Variants in MAZ observed in about 807,000 individuals in gnomAD.
MAZ encodes MYC associated zinc finger protein.
In MAZ, 4 loss-of-function variants were observed where a neutral mutation model predicts 32.7. The ratio of observed to expected loss-of-function variants is 0.12; its 90% CI spans 0.06 to 0.28. The LOEUF (loss-of-function observed/expected upper bound fraction) is 0.28. Ranked by LOEUF, MAZ falls within the 10% of genes least tolerant of loss-of-function variation. The probability of loss-of-function intolerance (pLI) is 1.00; values close to 1 mark genes in which losing one functional copy is unlikely to be tolerated. For missense variants in MAZ, 763 were observed against 667.2 expected (o/e 1.14, Z -1.58); for synonymous variants, 510 against 297.6 (o/e 1.71, Z -7.35).
intron 4 of MAZ, 56 bp from the exon 5 acceptor site, chr16:29,810,021 G>A (rs1899825556): frequency 3.2e-6 from 5 of 1,568,114 alleles, no homozygotes; most frequent in Non-Finnish European, 4.3e-6. Flanking sequence ...GTGGGGTGAG[G>A]GCAAGGCTCT....
At chr16:29,807,992 G>C in intron 2 of MAZ, 164 bp downstream of exon 2, 1 of 1,330,818 alleles carries the variant, frequency 7.5e-7, no homozygotes, top group Non-Finnish European at 1.0e-6. Context: ...CAGGGAGCAA[G>C]GGGTGGTCCT....
intron 2 of MAZ, 26 bp from the exon 3 acceptor site, chr16:29,808,198 CCGCCCT>C: frequency 6.3e-7 from 1 of 1,595,914 alleles, no homozygotes; most frequent in Non-Finnish European, 8.6e-7. Context: ...CGCACCACCT[CCGCCCT>C]AACCCCAACC....
chr16:29,807,878 C>T (rs1403236233), intron 2 of MAZ, 50 bp downstream of exon 2: 8 of 1,582,846 alleles, frequency 5.1e-6, no homozygotes, highest in Non-Finnish European at 5.1e-6. Flanking sequence ...GGGAGGGACG[C>T]GACGGAGGTG....
rs755780142 is a variant in MAZ at position 29,807,240 on chromosome 16, C to T, written c.455C>T (p.Ser152Phe). The T allele has an allele frequency of 2.8e-6, 4 of 1,411,268 alleles. No individual in the cohort carries two copies. The Admixed American group carries it at 8.5e-5, about 30-fold the overall frequency. The allele number at this position is 1,411,268 out of a possible 1,614,324, so 87.4% of individuals were successfully genotyped here. A position where few individuals can be genotyped will look rare whatever the true frequency, so the allele number is the denominator to read the frequency against. ...APAAEAAPPASAATIAAAAAT... is the reference protein window; with the variant it reads ...APAAEAAPPAFAATIAAAAAT... ...GCGGCCGAGGCCGCGCCCCCCGCCT[C>T]CGCCGCCACTATCGCCGCGGCGGCG... Residue 152 changes from serine to phenylalanine, a missense_variant, in exon 2 of 5, where the codon TCC becomes TTC. By Grantham distance (155) the Ser-to-Phe change is radical. Transcript: ENST00000322945.
chr16:29,810,803 T>TGGGGTC lies in MAZ; in HGVS notation c.*573_*578dup, dbSNP rs1460924181. The TGGGGTC allele has an allele frequency of 2.9e-6, 1 of 349,578 alleles. No homozygotes were observed. The highest frequency in any genetic ancestry group is 7.9e-5 in the East Asian group (1 of 12,720). 21.7% of individuals were successfully genotyped at this position (349,578 alleles called of 1,614,324 possible). ...ACCTTCATAAGGTGGTATGGGGGGT[T>TGGGGTC]GGGGTCAGGCCCTGAACATCGTCCT... On this transcript the variant is annotated 3_prime_UTR_variant, in exon 5 of 5. Coordinates refer to ENST00000322945, the MANE Select transcript of MAZ (RefSeq NM_002383.4).
At position 29,811,120 on chromosome 16, in the gene MAZ, C is replaced by T. The variant is rs1899945417; in HGVS notation, c.*889C>T. Reference sequence around the variant, plus strand: ...GCATGTACCCCACCCTCCACCCCTTCCTTTTGCGCGGACCCCATTACAATA... The same window carrying T: ...GCATGTACCCCACCCTCCACCCCTTTCTTTTGCGCGGACCCCATTACAATA... On this transcript the variant is annotated 3_prime_UTR_variant, in exon 5 of 5. Coordinates refer to ENST00000322945, the MANE Select transcript of MAZ (RefSeq NM_002383.4). The T allele has an allele frequency of 4.5e-6, 2 of 447,366 alleles. No homozygotes were observed. Among genetic ancestry groups the T allele is most frequent in the African/African-American group, 2.0e-5 (1 of 49,662 alleles). 27.7% of individuals were successfully genotyped at this position (447,366 alleles called of 1,614,324 possible).
At position 29,807,593 on chromosome 16, in the gene MAZ, G is replaced by A. The variant is rs752525408; in HGVS notation, c.808G>A (p.Ala270Thr). 5 of 1,611,644 alleles carry A rather than the reference G, an allele frequency of 3.1e-6. No individual in the cohort carries two copies. Among genetic ancestry groups the A allele is most frequent in the Non-Finnish European group, 4.2e-6 (5 of 1,179,472 alleles). The change falls in exon 2 of 5, where the codon GCC (alanine) becomes ACC (threonine). Residue 270 changes from alanine (A) to threonine (T), a missense_variant. Ala to Thr is a moderately conservative substitution (Grantham distance 58). Transcript: ENST00000322945. ...CGCCGGTGGCGTGGTGACCACGACCGCCTCGGGGAAGCGCATCCGGAAGAA... is the reference window on the plus strand; with the variant it reads ...CGCCGGTGGCGTGGTGACCACGACCACCTCGGGGAAGCGCATCCGGAAGAA... Reference protein sequence around the residue: ...VAAGGVVTTTASGKRIRKNHA... With the variant: ...VAAGGVVTTTTSGKRIRKNHA...
At chr16:29,809,081 T>C (rs1264664688) in intron 4 of MAZ, 3 of 521,418 alleles carry the variant, frequency 5.8e-6, no homozygotes, top group Non-Finnish European at 1.0e-5. Flanking sequence ...AGGTCTTGTC[T>C]CCAGCTCCTG....
In MAZ at chr16:29,806,744, C is replaced by T. The variant is rs759228080; in HGVS notation, c.43C>T (p.Pro15Ser). The change falls in exon 1 of 5, where the codon CCC becomes TCC. Residue 15 changes from proline to serine, a missense_variant. Transcript: ENST00000322945. ...FPCTLLAPPF[P>S]VLGLDSRGVG... The stretch of plus-strand genomic sequence containing the variant: ...TTGCACGCTGCTGGCCCCCCCCTTC[C>T]CCGTGCTGGGCCTGGACTCCCGGGG... 4 of 1,405,442 alleles carry T rather than the reference C, an allele frequency of 2.8e-6. No homozygotes were observed. Among genetic ancestry groups the T allele is most frequent in the Non-Finnish European group, 1.9e-6 (2 of 1,064,824 alleles). The allele number at this position is 1,405,442 out of a possible 1,614,324, so 87.1% of individuals were successfully genotyped here. A position where few individuals can be genotyped will look rare whatever the true frequency, so the allele number is the denominator to read the frequency against.
chr16:29,807,227 G>GCGCCCCCCGCCTCCGCCGCCA lies in MAZ; in HGVS notation c.444_464dup (p.Pro149_Thr155dup), dbSNP rs1320292872. On this transcript the variant is annotated inframe_insertion, in exon 2 of 5. Coordinates refer to ENST00000322945, the MANE Select transcript of MAZ (RefSeq NM_002383.4). ...AGTGTCGGCGCCCGCGGCCGAGGCC[G>GCGCCCCCCGCCTCCGCCGCCA]CGCCCCCCGCCTCCGCCGCCACTAT... The GCGCCCCCCGCCTCCGCCGCCA allele has an allele frequency of 7.6e-7, 1 of 1,311,246 alleles. No homozygotes were observed. The highest frequency in any genetic ancestry group is 1.6e-5 in the African/African-American group (1 of 64,112). 81.2% of individuals were successfully genotyped at this position (1,311,246 alleles called of 1,614,324 possible). A position where few individuals can be genotyped will look rare whatever the true frequency, so the allele number is the denominator to read the frequency against.
chr16:29,807,120 C>G lies in MAZ; in HGVS notation c.335C>G (p.Ala112Gly), dbSNP rs1405204924. ...AAAAAAAVAA[A>G]PPAPAAASTV... ...GCCGCTGCTGCCGCCGTCGCTGCCG[C>G]GCCCCCGGCCCCTGCCGCCGCCTCT... The change falls in exon 2 of 5, where the codon GCG becomes GGG. Residue 112 changes from alanine (A) to glycine (G), a missense_variant. Physicochemically the swap from Ala to Gly is moderately conservative, Grantham distance 60 (BLOSUM62 0). Transcript: ENST00000322945. The G allele has an allele frequency of 2.0e-6, 2 of 1,021,232 alleles. No homozygotes were observed. The highest frequency in any genetic ancestry group is 2.4e-6 in the Non-Finnish European group (2 of 838,494). The allele number at this position is 1,021,232 out of a possible 1,614,324, so 63.3% of individuals were successfully genotyped here.
rs1899706118 is a variant in MAZ at position 29,808,674 on chromosome 16, T to C, written c.1212T>C (p.Ala404=). 1 of 1,613,846 alleles carries C rather than the reference T, an allele frequency of 6.2e-7. No individual in the cohort carries two copies. The highest frequency in any genetic ancestry group is 8.5e-7 in the Non-Finnish European group (1 of 1,180,002). The change falls in exon 4 of 5, where the codon GCT becomes GCC. Residue 404 remains alanine (A), a synonymous_variant. Coordinates refer to ENST00000322945, the MANE Select transcript of MAZ (RefSeq NM_002383.4). ...CHVCGKMLSS[A]YISDHMKVHS... is the part of the protein sequence containing the mutation. The stretch of plus-strand genomic sequence containing the variant: ...TGTGTGGCAAGATGCTGAGCTCGGC[T>C]TATATTTCGGACCACATGAAGGTGC...
In MAZ at chr16:29,808,562, CT is replaced by C. The variant is rs1899696495; in HGVS notation, c.1108-7del. On this transcript the variant is annotated splice_polypyrimidine_tract_variant and splice_region_variant and intron_variant, in intron 3 of 4. Transcript: ENST00000322945. ...GTGACACCCCCCACGCCCCTCCCCC[CT>C]CCTCAGAAATGTGAGGCAGCTTTCG... 3 of 1,583,412 alleles carry C rather than the reference CT, an allele frequency of 1.9e-6. No homozygotes were observed. The African/African-American group carries it at 4.0e-5, about 21-fold the overall frequency.
chr16:29,807,106 C>CGCT lies in MAZ; in HGVS notation c.323_324insTGC (p.Ala108dup). 1.0e-6 allele frequency: 1 copy of CGCT among 1,000,830 alleles called. No homozygotes were observed. Among genetic ancestry groups the CGCT allele is most frequent in the Non-Finnish European group, 1.2e-6 (1 of 829,584 alleles). The allele number at this position is 1,000,830 out of a possible 1,614,324, so 62.0% of individuals were successfully genotyped here. A position where few individuals can be genotyped will look rare whatever the true frequency, so the allele number is the denominator to read the frequency against. On this transcript the variant is annotated inframe_insertion, in exon 2 of 5. Coordinates refer to ENST00000322945, the MANE Select transcript of MAZ (RefSeq NM_002383.4). The stretch of plus-strand genomic sequence containing the variant: ...CTGCGGCCGCTGCCGCCGCTGCTGC[C>CGCT]GCCGTCGCTGCCGCGCCCCCGGCCC...
chr16:29,807,277 C>T lies in MAZ; in HGVS notation c.492C>T (p.Val164=). Residue 164 remains valine, a synonymous_variant, in exon 2 of 5, where the codon GTC becomes GTT. Coordinates refer to ENST00000322945, the MANE Select transcript of MAZ (RefSeq NM_002383.4). ...TCGCCGCGGCGGCGGCCACCGCCGT[C>T]GTAGCCCCAACCTCGACGGTCGCCG... ...ATIAAAAATA[V]VAPTSTVAVA... is the part of the protein sequence containing the mutation. The T allele has an allele frequency of 6.6e-7, 1 of 1,517,086 alleles. No individual in the cohort carries two copies. Among genetic ancestry groups the T allele is most frequent in the Non-Finnish European group, 8.8e-7 (1 of 1,135,904 alleles). The allele number at this position is 1,517,086 out of a possible 1,614,324, so 94.0% of individuals were successfully genotyped here.
rs1266745818 is a variant in MAZ at position 29,807,089 on chromosome 16, G to T, written c.304G>T (p.Ala102Ser). 8 of 998,430 alleles carry T rather than the reference G, an allele frequency of 8.0e-6. No homozygotes were observed. Among genetic ancestry groups the T allele is most frequent in the Non-Finnish European group, 9.6e-6 (8 of 834,580 alleles). The allele number at this position is 998,430 out of a possible 1,614,324, so 61.8% of individuals were successfully genotyped here. The change falls in exon 2 of 5, where the codon GCT (alanine) becomes TCT (serine). Residue 102 changes from alanine to serine, a missense_variant. By Grantham distance (99) the Ala-to-Ser change is moderately conservative. Coordinates refer to ENST00000322945, the MANE Select transcript of MAZ (RefSeq NM_002383.4). The part of the protein sequence containing the change: ...AQESAAAAAA[A>S]AAAAAAVAAA... ...GGAGTCCGCCGCGGCTGCTGCGGCC[G>T]CTGCCGCCGCTGCTGCCGCCGTCGC...
chr16:29,808,279 C>T lies in MAZ; in HGVS notation c.1093C>T (p.Pro365Ser), dbSNP rs1245407986. ...HVRQVHSTER[P>S]FKCEKCEAAF... ...CAGACAAGTGCACTCAACAGAACGGCCCTTCAAATGTGAGGTAGGAAGCCC... is the reference window on the plus strand; with the variant it reads ...CAGACAAGTGCACTCAACAGAACGGTCCTTCAAATGTGAGGTAGGAAGCCC... The change falls in exon 3 of 5, where the codon CCC becomes TCC. Residue 365 changes from proline to serine, a missense_variant. Physicochemically the swap from Pro to Ser is moderately conservative, Grantham distance 74. Transcript: ENST00000322945. The T allele has an allele frequency of 6.2e-7, 1 of 1,613,940 alleles. No individual in the cohort carries two copies. The highest frequency in any genetic ancestry group is 8.5e-7 in the Non-Finnish European group (1 of 1,179,980).
chr16:29,807,951 A>G, intron 2 of MAZ, 123 bp downstream of exon 2: 2 of 1,471,850 alleles, frequency 1.4e-6, no homozygotes, highest in Non-Finnish European at 1.8e-6. Flanking sequence ...AGCCACTCCC[A>G]GGGCGGAGGG....
At chr16:29,807,909 G>T (rs1899622360) in intron 2 of MAZ, 81 bp downstream of exon 2, 1 of 1,548,100 alleles carries the variant, frequency 6.5e-7, no homozygotes, top group Non-Finnish European at 8.7e-7. Flanking sequence ...GGCTGGCGGG[G>T]AGGGAGGCGG....
Sources: gnomAD v4.1 joint callset for allele counts on GRCh38, gnomAD v4.1.1 for gene constraint, MANE v1.5 for transcripts, NCBI Gene and HGNC (gene_info 2026-07-23, HGNC 2026-07-21) for gene names.